Variants in PCDHGA3 observed in about 807,000 individuals in gnomAD.
PCDHGA3 encodes protocadherin gamma-A3.
Under a neutral mutation model 58.5 loss-of-function variants are expected in PCDHGA3, and 40 were observed. That is an observed-to-expected ratio of 0.68 (90% CI 0.53 to 0.89). The LOEUF is 0.89. Among genes scored for constraint, PCDHGA3 ranks in the 40% least tolerant of loss-of-function variants. PCDHGA3 has a pLI of 0.00. For synonymous variants in PCDHGA3, 530 were observed against 525.7 expected (o/e 1.01, Z -0.11); for missense variants, 1,223 against 1,195.9 (o/e 1.02, Z -0.33).
intron 1 of PCDHGA3, chr5:141,414,538 A>C: frequency 1.2e-6 from 2 of 1,613,882 alleles, no homozygotes; most frequent in Non-Finnish European, 1.7e-6. Flanking sequence ...CAACCCACCT[A>C]CCTTCTCTCA....
rs756627468 is a variant in PCDHGA3, at chr5:141,370,720, T to A, written c.2424+24263T>A. On this transcript the variant is annotated intron_variant, in intron 1 of 3. Transcript: ENST00000253812. Reference sequence around the variant, plus strand: ...ACGTGTGTTCTGGAATTTGAAATGGTTGCTGAAAAGCCTTTAAACTTTTTT... The same window carrying A: ...ACGTGTGTTCTGGAATTTGAAATGGATGCTGAAAAGCCTTTAAACTTTTTT... 4.3e-6 allele frequency: 7 copies of A among 1,613,868 alleles called. No homozygotes were observed. The South Asian group carries it at 7.7e-5, about 18-fold the overall frequency.
At chr5:141,394,852 C>T in intron 1 of PCDHGA3, 1 of 1,613,838 alleles carries the variant, frequency 6.2e-7, no homozygotes, top group Non-Finnish European at 8.5e-7. Flanking sequence ...AGTCTGAAGC[C>T]TTCGGTCGAC....
chr5:141,383,350 C>CG (rs766222030), intron 1 of PCDHGA3: 7 of 1,613,870 alleles, frequency 4.3e-6, no homozygotes, highest in Non-Finnish European at 5.9e-6. Context: ...TCCTGGGGTT[C>CG]GGTTTCCGTT....
At chr5:141,423,248 C>A in intron 1 of PCDHGA3, 1 of 1,613,888 alleles carries the variant, frequency 6.2e-7, no homozygotes, top group Non-Finnish European at 8.5e-7. Context: ...GAAGTCCTGG[C>A]GGACCTCGGC....
chr5:141,352,619 G>T, intron 1 of PCDHGA3: 1 of 1,612,802 alleles, frequency 6.2e-7, no homozygotes. Context: ...GGTTGTATGT[G>T]CCAGTAATGA....
Position 141,478,507 on chromosome 5 carries a change from T to C in PCDHGA3, c.2425-16300T>C, listed in dbSNP as rs781120326. The C allele has an allele frequency of 4.3e-6, 7 of 1,612,048 alleles. No homozygotes were observed. In the East Asian group the frequency reaches 1.3e-4, roughly 31 times the overall value. On this transcript the variant is annotated intron_variant, in intron 1 of 3. Transcript: ENST00000253812. The stretch of plus-strand genomic sequence containing the variant: ...TGCGGAGCTGTGATCCGGTGTTCTA[T>C]AGGCAGGTGTTGGGTGCAGAGAGCG...
chr5:141,399,559 G>C, intron 1 of PCDHGA3: 1 of 1,614,038 alleles, frequency 6.2e-7, no homozygotes, highest in Non-Finnish European at 8.5e-7. Context: ...CCTGGACTTG[G>C]GGTTGAACGG....
At chr5:141,419,663 G>T (rs1459319505) in intron 1 of PCDHGA3, 1 of 1,612,710 alleles carries the variant, frequency 6.2e-7, no homozygotes, top group Non-Finnish European at 8.5e-7. Flanking sequence ...GGGGCACAAT[G>T]CCTGGCTGTC....
chr5:141,419,175 C>T (rs185228661), intron 1 of PCDHGA3: 2 of 1,613,966 alleles, frequency 1.2e-6, no homozygotes, highest in Non-Finnish European at 1.7e-6. Flanking sequence ...AAAACCATAA[C>T]CCTGCACATT....
intron 2 of PCDHGA3, among the ~76,000 whole-genome samples, chr5:141,500,812 T>C: frequency 6.6e-6 from 1 of 152,322 alleles, no homozygotes; most frequent in South Asian, 2.1e-4. Flanking sequence ...CATATGAATA[T>C]ACATATTATT....
rs376067853 is a variant in PCDHGA3, at chr5:141,408,397, G to C, written c.2424+61940G>C. 261 of 1,614,068 alleles carry C rather than the reference G, an allele frequency of 1.6e-4. 1 individual carries two copies. In the East Asian group the frequency reaches 5.2e-3, roughly 32 times the overall value. On this transcript the variant is annotated intron_variant, in intron 1 of 3. Coordinates refer to ENST00000253812, the MANE Select transcript of PCDHGA3 (RefSeq NM_018916.4). The stretch of plus-strand genomic sequence containing the variant: ...GTGTCCTGGATGTGTCGGCTCGCAA[G>C]CTGCGAGTGAGCGCGGAGAAGCTGC...
chr5:141,492,557 G>A (rs2154587614), intron 1 of PCDHGA3, among the ~76,000 whole-genome samples: 1 of 152,350 alleles, frequency 6.6e-6, no homozygotes, highest in East Asian at 1.9e-4. Flanking sequence ...TCGCCTGGGG[G>A]GCGGCCTGAG....
intron 1 of PCDHGA3, chr5:141,359,994 C>A: frequency 9.3e-7 from 1 of 1,074,148 alleles, no homozygotes. Context: ...GGGGAACTTC[C>A]TGCACAAACC....
chr5:141,355,206 G>T lies in PCDHGA3; in HGVS notation c.2424+8749G>T, dbSNP rs377415037. ...GACTCCGCGGCGGGGTTGTAATGGCGGCGCCTCCTGCTCGCCCAGACCACA... is the reference window on the plus strand; with the variant it reads ...GACTCCGCGGCGGGGTTGTAATGGCTGCGCCTCCTGCTCGCCCAGACCACA... On this transcript the variant is annotated intron_variant, in intron 1 of 3. Coordinates refer to ENST00000253812, the MANE Select transcript of PCDHGA3 (RefSeq NM_018916.4). The T allele has an allele frequency of 2.4e-5, 39 of 1,598,352 alleles. 1 individual carries two copies. The highest frequency in any genetic ancestry group is 3.2e-5 in the Non-Finnish European group (37 of 1,171,044).
intron 1 of PCDHGA3, chr5:141,395,486 A>G: frequency 2.0e-6 from 1 of 510,062 alleles, no homozygotes; most frequent in Non-Finnish European, 3.4e-6. Flanking sequence ...TATTCCTATT[A>G]TCACTCATTC....
intron 1 of PCDHGA3, among the ~76,000 whole-genome samples, chr5:141,465,348 A>C (rs886810999): frequency 6.6e-6 from 1 of 152,158 alleles, no homozygotes; most frequent in African/African-American, 2.4e-5. Context: ...GTTACTGAAG[A>C]AAAAATGGGT....
rs1458508114 is a variant in PCDHGA3, at chr5:141,489,523, C to T, written c.2425-5284C>T. ...GAATCAAAAGATTGACCGAGAAAGC[C>T]TATGTGGAGCCAGCACCAGCTGCCT... On this transcript the variant is annotated intron_variant, in intron 1 of 3. Transcript: ENST00000253812. This position sits in a 1 kb window ranked among gnomAD's most constrained non-coding sequence, Gnocchi z 4.5. The T allele has an allele frequency of 3.5e-5, 56 of 1,614,006 alleles. No homozygotes were observed. The highest frequency in any genetic ancestry group is 4.5e-5 in the Non-Finnish European group (53 of 1,180,044).
chr5:141,476,747 C>A lies in PCDHGA3; in HGVS notation c.2425-18060C>A. 1 of 1,614,066 alleles carries A rather than the reference C, an allele frequency of 6.2e-7. No homozygotes were observed. The highest frequency in any genetic ancestry group is 1.3e-5 in the African/African-American group (1 of 75,074). On this transcript the variant is annotated intron_variant, in intron 1 of 3. Transcript: ENST00000253812. The surrounding 1 kb of genome is among the most constrained non-coding windows in gnomAD (Gnocchi z 7.6). ...GGACCGAGAACGGGAGCCTAGTCTCCAGTTAGTGCTGACGGCGTTGGACGG... is the reference window on the plus strand; with the variant it reads ...GGACCGAGAACGGGAGCCTAGTCTCAAGTTAGTGCTGACGGCGTTGGACGG...
chr5:141,372,851 T>C lies in PCDHGA3; in HGVS notation c.2424+26394T>C, dbSNP rs756598936. 24 of 1,459,588 alleles carry C rather than the reference T, an allele frequency of 1.6e-5. No individual in the cohort carries two copies. The South Asian group carries it at 3.2e-4, about 19-fold the overall frequency. The allele number at this position is 1,459,588 out of a possible 1,614,324, so 90.4% of individuals were successfully genotyped here. A position where few individuals can be genotyped will look rare whatever the true frequency, so the allele number is the denominator to read the frequency against. ...CTTTCCTTCCATAAATATAATTGGG[T>C]TTCAATTCATTGATTTAGAGATAAA... On this transcript the variant is annotated intron_variant, in intron 1 of 3. Coordinates refer to ENST00000253812, the MANE Select transcript of PCDHGA3 (RefSeq NM_018916.4).
Sources: gnomAD v4.1 joint callset for allele counts (sites outside exome capture counted in the v4.1 genomes callset) on GRCh38, gnomAD v4.1.1 for gene constraint, Gnocchi (gnomAD v3.1) non-coding constraint, MANE v1.5 for transcripts, NCBI Gene and HGNC (gene_info 2026-07-23, HGNC 2026-07-21) for gene names.